BCKDHB: variants seen among roughly 807,000 people sequenced by gnomAD.
BCKDHB encodes the protein branched chain keto acid dehydrogenase E1 subunit beta, also known as 2-oxoisovalerate dehydrogenase subunit beta, mitochondrial.
In BCKDHB, 41 loss-of-function variants were observed where a neutral mutation model predicts 48.5. The observed-to-expected ratio is 0.85, with a 90% confidence interval of 0.66 to 1.10. The LOEUF is 1.10. BCKDHB is among the 50% of genes least tolerant of loss of function. The pLI is 0.00. For synonymous variants in BCKDHB, 201 were observed against 174.8 expected (o/e 1.15, Z -1.18); for missense variants, 496 against 494.2 (o/e 1.00, Z -0.03).
intron 3 of BCKDHB, among the ~76,000 whole-genome samples, chr6:80,161,536 G>A (rs963073556): frequency 2.0e-5 from 3 of 151,882 alleles, no homozygotes; most frequent in African/African-American, 7.3e-5. Flanking sequence ...TCAGTGTGCC[G>A]GGTAAGTAAG....
chr6:80,108,632 C>T (rs992104049), intron 1 of BCKDHB, among the ~76,000 whole-genome samples: 1 of 150,856 alleles, frequency 6.6e-6, no homozygotes, highest in Non-Finnish European at 1.5e-5. Flanking sequence ...GAGGCGGAGG[C>T]AGGCGGATCA....
At chr6:80,107,003 C>A (rs1769108505) in intron 1 of BCKDHB, 114 bp downstream of exon 1, 9 of 1,320,328 alleles carry the variant, frequency 6.8e-6, no homozygotes, top group South Asian at 2.5e-5. Context: ...AGCTTATTAA[C>A]TTCCTGACTC....
chr6:80,466,060 A>G, the BCKDHB span: 2 of 152,194 alleles, frequency 1.3e-5, no homozygotes, highest in African/African-American at 2.4e-5. Context: ...TGATAGAAGA[A>G]TCTCAGAGGT....
the BCKDHB span, among the ~76,000 whole-genome samples, chr6:80,419,446 C>T: frequency 6.6e-6 from 1 of 152,134 alleles, no homozygotes; most frequent in South Asian, 2.1e-4. Context: ...GACCCTCTCT[C>T]ATGGGCAAGG....
rs371654091 is a variant in BCKDHB at position 80,323,657 on chromosome 6, T to C, written c.1039-20007T>C. Among the ~76,000 whole-genome samples, 5 of 152,234 alleles carry C rather than the reference T, an allele frequency of 3.3e-5. No individual in the cohort carries two copies. In the East Asian group the frequency reaches 9.6e-4, roughly 29 times the overall value. The stretch of plus-strand genomic sequence containing the variant: ...TTCTCATCCAGTATTTCTTTTAGAA[T>C]TCTCACACTTTTGCCCTCATAACTC... On this transcript the variant is annotated intron_variant, in intron 9 of 9. Transcript: ENST00000320393.
intron 1 of BCKDHB, among the ~76,000 whole-genome samples, chr6:80,111,705 A>G (rs1420248281): frequency 3.3e-5 from 5 of 152,200 alleles, no homozygotes; most frequent in African/African-American, 1.2e-4. Context: ...AACCAAATAA[A>G]AGCCTTCCAC....
the BCKDHB span, among the ~76,000 whole-genome samples, chr6:80,382,512 T>C: frequency 6.6e-6 from 1 of 152,148 alleles, no homozygotes; most frequent in Non-Finnish European, 1.5e-5. Flanking sequence ...TAGATGTTCA[T>C]TCCTTGGGTT....
chr6:80,233,362 A>C (rs1291965377), intron 8 of BCKDHB, among the ~76,000 whole-genome samples: 7 of 152,224 alleles, frequency 4.6e-5, no homozygotes, highest in Non-Finnish European at 1.0e-4. Context: ...TAACTTTACA[A>C]AATGAATGCT....
intron 9 of BCKDHB, among the ~76,000 whole-genome samples, chr6:80,304,876 A>G (rs918520805): frequency 6.6e-6 from 1 of 152,138 alleles, no homozygotes; most frequent in African/African-American, 2.4e-5. Flanking sequence ...CTTATCATTA[A>G]AAGAAGAAAT....
chr6:80,254,484 C>T (rs977350775), intron 8 of BCKDHB, among the ~76,000 whole-genome samples: 2 of 151,950 alleles, frequency 1.3e-5, no homozygotes, highest in East Asian at 3.9e-4. Flanking sequence ...TTGCTTGAGC[C>T]CTGGGGTTCA....
chr6:80,302,232 A>G (rs568839457), intron 9 of BCKDHB, among the ~76,000 whole-genome samples: 9 of 152,280 alleles, frequency 5.9e-5, no homozygotes, highest in Admixed American at 1.3e-4. Context: ...TAAAAATATG[A>G]TTTTATACTT....
At chr6:80,290,351 A>C (rs1345988354) in intron 9 of BCKDHB, among the ~76,000 whole-genome samples, 1 of 152,182 alleles carries the variant, frequency 6.6e-6, no homozygotes, top group Non-Finnish European at 1.5e-5. Flanking sequence ...AAGGCCCCAG[A>C]GCCTGAAACA....
intron 6 of BCKDHB, among the ~76,000 whole-genome samples, chr6:80,193,610 C>T (rs1036830835): frequency 2.0e-5 from 3 of 151,774 alleles, no homozygotes; most frequent in Non-Finnish European, 4.4e-5. Context: ...ATCCCAGCTA[C>T]TCAGGAGGCT....
At chr6:80,185,894 A>G (rs915050875) in intron 6 of BCKDHB, among the ~76,000 whole-genome samples, 4 of 152,112 alleles carry the variant, frequency 2.6e-5, no homozygotes, top group African/African-American at 9.7e-5. Flanking sequence ...GTTTTTTCGA[A>G]TGCTGGTTAT....
chr6:80,449,692 T>C, the BCKDHB span, among the ~76,000 whole-genome samples: 1 of 152,176 alleles, frequency 6.6e-6, no homozygotes, highest in Non-Finnish European at 1.5e-5. Flanking sequence ...TGTCTGGTTG[T>C]CCCACTCTTA....
the BCKDHB span, among the ~76,000 whole-genome samples, chr6:80,359,805 C>A: frequency 6.6e-6 from 1 of 152,098 alleles, no homozygotes; most frequent in Non-Finnish European, 1.5e-5. Context: ...GTTGGTCAGG[C>A]TGGTCTCAAA....
chr6:80,110,931 G>C (rs372740823), intron 1 of BCKDHB, among the ~76,000 whole-genome samples: 11 of 152,320 alleles, frequency 7.2e-5, no homozygotes, highest in African/African-American at 2.6e-4. Context: ...GTGTTAACCT[G>C]TTTATTAATG....
intron 3 of BCKDHB, among the ~76,000 whole-genome samples, chr6:80,134,244 C>T (rs1426219517): frequency 6.6e-6 from 1 of 152,162 alleles, no homozygotes; most frequent in African/African-American, 2.4e-5. Context: ...TAAACATGTG[C>T]CTTTTCATGG....
At chr6:80,454,056 A>C in the BCKDHB span, 2 of 152,120 alleles carry the variant, frequency 1.3e-5, no homozygotes, top group African/African-American at 4.8e-5. Context: ...TGGATTCTTA[A>C]AGGAATATGC....
Sources: allele counts gnomAD v4.1 joint callset (sites outside exome capture counted in the v4.1 genomes callset), GRCh38; gene constraint gnomAD v4.1.1; transcripts MANE v1.5; gene names NCBI Gene and HGNC (gene_info 2026-07-23, HGNC 2026-07-21).